ARK2C: variants seen among roughly 807,000 people sequenced by gnomAD.
ARK2C encodes E3 ubiquitin-protein ligase ARK2C.
At chr18:46,457,571 C>CA in the ARK2C span, 1 of 152,832 alleles carries the variant, frequency 6.5e-6, no homozygotes, top group East Asian at 1.9e-4. Flanking sequence ...TATATCCCCC[C>CA]AGTTCCACAC....
chr18:46,452,600 T>C, the ARK2C span, among the ~76,000 whole-genome samples: 1 of 152,092 alleles, frequency 6.6e-6, no homozygotes, highest in African/African-American at 2.4e-5. Flanking sequence ...TAATTTTATG[T>C]AAACTAGAAC....
At chr18:46,391,298 T>C in the ARK2C span, among the ~76,000 whole-genome samples, 1 of 152,128 alleles carries the variant, frequency 6.6e-6, no homozygotes, top group Non-Finnish European at 1.5e-5. Context: ...TGACCTGGGG[T>C]AAGCACCTGA....
At chr18:46,342,417 C>T in the ARK2C span, among the ~76,000 whole-genome samples, 1 of 152,222 alleles carries the variant, frequency 6.6e-6, no homozygotes, top group Non-Finnish European at 1.5e-5. Flanking sequence ...AGCTAATGGC[C>T]TGCCAAGCTT....
chr18:46,395,624 C>T, the ARK2C span, among the ~76,000 whole-genome samples: 2,394 of 152,248 alleles, frequency 0.016, 57 homozygotes, highest in African/African-American at 0.053. Flanking sequence ...CCCCAAAGTC[C>T]GGGATTTTAC....
chr18:46,422,189 G>A, the ARK2C span, among the ~76,000 whole-genome samples: 2 of 152,232 alleles, frequency 1.3e-5, no homozygotes, highest in Non-Finnish European at 2.9e-5. Flanking sequence ...TATCTGGTGT[G>A]TAGTCAAGTA....
chr18:46,450,360 A>G, the ARK2C span: 1 of 1,614,050 alleles, frequency 6.2e-7, no homozygotes, highest in Admixed American at 1.7e-5. Context: ...CAGGGACTAA[A>G]TCCCAGCAGA....
At chr18:46,455,068 T>G in the ARK2C span, among the ~76,000 whole-genome samples, 2 of 152,206 alleles carry the variant, frequency 1.3e-5, no homozygotes, top group African/African-American at 4.8e-5. Flanking sequence ...TGAAAAACAG[T>G]ACAAGGGAAG....
the ARK2C span, among the ~76,000 whole-genome samples, chr18:46,357,722 C>T: frequency 2.1e-4 from 32 of 152,286 alleles, no homozygotes; most frequent in African/African-American, 5.8e-4. Context: ...GAATTGCCTC[C>T]GATGAGGGGT....
At chr18:46,345,569 G>A in the ARK2C span, among the ~76,000 whole-genome samples, 8 of 152,216 alleles carry the variant, frequency 5.3e-5, no homozygotes, top group Admixed American at 1.3e-4. Flanking sequence ...CTGGGGGGTG[G>A]ACTAGACGTG....
At chr18:46,353,652 C>A in the ARK2C span, among the ~76,000 whole-genome samples, 1 of 152,184 alleles carries the variant, frequency 6.6e-6, no homozygotes, top group African/African-American at 2.4e-5. Context: ...AGTGACGGGG[C>A]CCTGGAGACG....
the ARK2C span, chr18:46,460,555 G>C: frequency 6.6e-6 from 1 of 152,288 alleles, no homozygotes; most frequent in Non-Finnish European, 1.5e-5. Context: ...ATTTAGAAAG[G>C]ATACTAATTT....
At chr18:46,418,968 T>G in the ARK2C span, among the ~76,000 whole-genome samples, 2 of 152,210 alleles carry the variant, frequency 1.3e-5, no homozygotes, top group Non-Finnish European at 2.9e-5. Flanking sequence ...ATTTGCACAT[T>G]GAAAGTAAAA....
chr18:46,393,694 G>A, the ARK2C span, among the ~76,000 whole-genome samples: 8 of 152,194 alleles, frequency 5.3e-5, no homozygotes, highest in Non-Finnish European at 2.9e-5. Context: ...ACCCAGGGAA[G>A]TCATTTCCCA....
chr18:46,373,237 C>T, the ARK2C span, among the ~76,000 whole-genome samples: 1 of 152,380 alleles, frequency 6.6e-6, no homozygotes, highest in East Asian at 1.9e-4. Flanking sequence ...ATCCCTGGCT[C>T]TTGGACTGGC....
At chr18:46,432,823 T>A in the ARK2C span, among the ~76,000 whole-genome samples, 1 of 152,114 alleles carries the variant, frequency 6.6e-6, no homozygotes, top group African/African-American at 2.4e-5. Flanking sequence ...CGGGCGCCTG[T>A]AGTCCCAGCT....
chr18:46,385,983 C>T, the ARK2C span: 6 of 152,334 alleles, frequency 3.9e-5, no homozygotes, highest in East Asian at 1.2e-3. Flanking sequence ...GCTCTGGCCC[C>T]AAGAACCCCT....
chr18:46,392,870 C>A, the ARK2C span, among the ~76,000 whole-genome samples: 4 of 152,166 alleles, frequency 2.6e-5, no homozygotes, highest in African/African-American at 9.7e-5. Flanking sequence ...GTGAGATGAC[C>A]TCCTGGTCTT....
the ARK2C span, among the ~76,000 whole-genome samples, chr18:46,424,042 T>A: frequency 6.6e-6 from 1 of 152,182 alleles, no homozygotes; most frequent in Non-Finnish European, 1.5e-5. Context: ...TGGTACCTCC[T>A]CCGAAAACAC....
chr18:46,342,555 G>A, the ARK2C span, among the ~76,000 whole-genome samples: 29 of 152,332 alleles, frequency 1.9e-4, no homozygotes, highest in South Asian at 4.6e-3. Flanking sequence ...GGAACCCAGG[G>A]TGGAGAGTCC....
Sources: allele counts gnomAD v4.1 joint callset (sites outside exome capture counted in the v4.1 genomes callset), GRCh38; gene constraint gnomAD v4.1.1; transcripts MANE v1.5; gene names NCBI Gene and HGNC (gene_info 2026-07-23, HGNC 2026-07-21).